DPP10: variants seen among roughly 807,000 people sequenced by gnomAD.
DPP10 encodes the protein inactive dipeptidyl peptidase 10.
DPP10 carries 33 observed loss-of-function variants against 120.9 expected under a neutral mutation model. The observed-to-expected ratio is 0.27, with a 90% CI of 0.21 to 0.37. The LOEUF (loss-of-function observed/expected upper bound fraction) is 0.37. Among genes scored for constraint, DPP10 ranks in the 10% least tolerant of loss-of-function variants. The pLI is 1.00. For missense variants in DPP10, 816 were observed against 942.8 expected (o/e 0.87, Z 1.76); for synonymous variants, 337 against 326.1 (o/e 1.03, Z -0.36).
intron 1 of DPP10, among the ~76,000 whole-genome samples, chr2:115,028,453 C>T (rs1703622289): frequency 6.6e-6 from 1 of 152,080 alleles, no homozygotes; most frequent in Admixed American, 6.6e-5. Context: ...TCAGAAAAGA[C>T]ACTTGTTCAG....
chr2:114,811,803 CGT>C (rs1321768994), intron 1 of DPP10, among the ~76,000 whole-genome samples: 2 of 152,172 alleles, frequency 1.3e-5, no homozygotes, highest in African/African-American at 4.8e-5. Flanking sequence ...AAACATCATC[CGT>C]GTGTTCTCTC....
At chr2:114,471,638 G>T (rs546322130) in intron 1 of DPP10, among the ~76,000 whole-genome samples, 1 of 152,172 alleles carries the variant, frequency 6.6e-6, no homozygotes, top group Non-Finnish European at 1.5e-5. Flanking sequence ...TATGAAAAAA[G>T]AGTCTCCTAA....
chr2:115,478,230 A>G (rs1955167), intron 3 of DPP10, among the ~76,000 whole-genome samples: 21,173 of 152,178 alleles, frequency 0.14, 3,237 homozygotes, highest in African/African-American at 0.37. Flanking sequence ...AATGGAATAG[A>G]ATAGAGGGCC....
At chr2:115,367,274 T>A (rs984268103) in intron 3 of DPP10, among the ~76,000 whole-genome samples, 3 of 151,990 alleles carry the variant, frequency 2.0e-5, no homozygotes, top group African/African-American at 7.2e-5. Flanking sequence ...GTGTTGTTTT[T>A]AAACTACTTT....
chr2:115,498,896 A>G (rs1215206805), intron 3 of DPP10, among the ~76,000 whole-genome samples: 1 of 152,014 alleles, frequency 6.6e-6, no homozygotes, highest in Non-Finnish European at 1.5e-5. Flanking sequence ...AAATGAAGAC[A>G]TAGTTCTTCT....
chr2:115,069,962 G>C (rs1445719184), intron 1 of DPP10, among the ~76,000 whole-genome samples: 1 of 151,674 alleles, frequency 6.6e-6, no homozygotes. Context: ...GTTTATTTTG[G>C]TGTGTATTAA....
chr2:114,668,313 G>A (rs765851695), intron 1 of DPP10, among the ~76,000 whole-genome samples: 6 of 152,170 alleles, frequency 3.9e-5, no homozygotes, highest in Admixed American at 1.3e-4. Flanking sequence ...AGAACCAGGA[G>A]CTGTGTTATC....
At chr2:114,861,703 G>T (rs1029996811) in intron 1 of DPP10, among the ~76,000 whole-genome samples, 6 of 152,088 alleles carry the variant, frequency 3.9e-5, no homozygotes, top group Non-Finnish European at 7.4e-5. Context: ...TGGTGGCTTT[G>T]TTCATTCTAT....
At chr2:114,659,940 C>A (rs1432068121) in intron 1 of DPP10, among the ~76,000 whole-genome samples, 1 of 152,190 alleles carries the variant, frequency 6.6e-6, no homozygotes, top group Non-Finnish European at 1.5e-5. Flanking sequence ...AGCAAAGAGG[C>A]ATGGAACAGA....
chr2:115,384,680 A>G (rs889155635), intron 3 of DPP10, among the ~76,000 whole-genome samples: 3 of 148,858 alleles, frequency 2.0e-5, no homozygotes, highest in African/African-American at 7.7e-5. Flanking sequence ...AGGAAGAAGA[A>G]GAGGAAGAAG....
rs1198783623 is a variant in DPP10 at position 115,592,953 on chromosome 2, A to G, written c.441+66981A>G. ...ATATATTTTTGGATAAAATATATTT[A>G]TGTCTTTTGGTACCTACTTTGAAAC... On this transcript the variant is annotated intron_variant, in intron 5 of 25. Transcript: ENST00000410059. Among the ~76,000 whole-genome samples, 3 of 152,308 alleles carry G rather than the reference A, an allele frequency of 2.0e-5. No homozygotes were observed. In the East Asian group the frequency reaches 5.8e-4, roughly 29 times the overall value.
chr2:115,033,469 G>A (rs1490832560), intron 1 of DPP10, among the ~76,000 whole-genome samples: 6 of 151,992 alleles, frequency 3.9e-5, no homozygotes, highest in Admixed American at 1.3e-4. Context: ...TAATACCATC[G>A]TTCTTACCCT....
intron 5 of DPP10, among the ~76,000 whole-genome samples, chr2:115,648,787 G>A (rs530383793): frequency 8.0e-4 from 121 of 152,148 alleles, no homozygotes; most frequent in African/African-American, 2.8e-3. Context: ...TCAGATTAGT[G>A]GCGTGGAGAG....
chr2:114,455,961 C>T (rs533902907), intron 1 of DPP10, among the ~76,000 whole-genome samples: 39 of 152,200 alleles, frequency 2.6e-4, no homozygotes, highest in Non-Finnish European at 3.5e-4. Flanking sequence ...GAGGCAAGCC[C>T]GTTGCATCAC....
chr2:115,717,394 A>T (rs984762360), intron 7 of DPP10, among the ~76,000 whole-genome samples: 18 of 151,916 alleles, frequency 1.2e-4, no homozygotes, highest in African/African-American at 4.1e-4. Flanking sequence ...AATAAATAAA[A>T]AATAAATAAA....
At chr2:115,380,563 A>G (rs1053503057) in intron 3 of DPP10, among the ~76,000 whole-genome samples, 71 of 151,518 alleles carry the variant, frequency 4.7e-4, no homozygotes, top group African/African-American at 1.7e-3. Flanking sequence ...TTTAAAGTTA[A>G]TATTGTTATG....
intron 1 of DPP10, among the ~76,000 whole-genome samples, chr2:115,172,362 C>T (rs909388969): frequency 5.4e-5 from 8 of 146,978 alleles, no homozygotes; most frequent in South Asian, 4.3e-4. Flanking sequence ...CTAGCCTGGG[C>T]GACAGAGTGA....
At chr2:115,315,298 C>T (rs913558435) in intron 2 of DPP10, among the ~76,000 whole-genome samples, 4 of 151,532 alleles carry the variant, frequency 2.6e-5, no homozygotes, top group East Asian at 3.9e-4. Flanking sequence ...CACACACATA[C>T]ATCTATATGT....
intron 5 of DPP10, among the ~76,000 whole-genome samples, chr2:115,611,874 A>G (rs1157631278): frequency 6.6e-6 from 1 of 152,094 alleles, no homozygotes; most frequent in African/African-American, 2.4e-5. Context: ...AATGGCTTTT[A>G]AGATCTTTGT....
Sources: allele counts gnomAD v4.1 joint callset (sites outside exome capture counted in the v4.1 genomes callset), GRCh38; gene constraint gnomAD v4.1.1; transcripts MANE v1.5; gene names NCBI Gene and HGNC (gene_info 2026-07-23, HGNC 2026-07-21).